LPP: variants seen among roughly 807,000 people sequenced by gnomAD.
LPP encodes the protein lipoma-preferred partner.
In LPP, 38 loss-of-function variants were observed where a neutral mutation model predicts 60.4. The ratio of observed to expected loss-of-function variants is 0.63; its 90% CI spans 0.49 to 0.83. LPP has a LOEUF of 0.83. LPP is among the 40% of genes least tolerant of loss of function. The probability of loss-of-function intolerance (pLI) is 0.00; values close to 1 mark genes in which losing one functional copy is unlikely to be tolerated. For synonymous variants in LPP, 328 were observed against 290.8 expected (o/e 1.13, Z -1.30); for missense variants, 902 against 783.6 (o/e 1.15, Z -1.80).
At chr3:188,634,577 A>G (rs1848388702) in intron 7 of LPP, among the ~76,000 whole-genome samples, 1 of 152,200 alleles carries the variant, frequency 6.6e-6, no homozygotes, top group Non-Finnish European at 1.5e-5. Flanking sequence ...TACTCACATT[A>G]CTGCCTGAAC....
chr3:188,814,025 T>G (rs945935643), intron 9 of LPP, among the ~76,000 whole-genome samples: 1 of 151,990 alleles, frequency 6.6e-6, no homozygotes, highest in Non-Finnish European at 1.5e-5. Context: ...TGAGCCGAGA[T>G]TGTGCCACTG....
At chr3:188,463,661 TTC>T in intron 4 of LPP, among the ~76,000 whole-genome samples, 1 of 152,326 alleles carries the variant, frequency 6.6e-6, no homozygotes, top group East Asian at 1.9e-4. Context: ...TTCTTAAATT[TTC>T]TTCTCTGGCA....
At chr3:188,746,427 T>C in intron 8 of LPP, 1 of 475,374 alleles carries the variant, frequency 2.1e-6, no homozygotes, top group South Asian at 1.6e-5. Flanking sequence ...TGTGCACAGT[T>C]TTGTTTCAGA....
chr3:188,503,068 T>C (rs1812374030), intron 5 of LPP, among the ~76,000 whole-genome samples: 1 of 152,080 alleles, frequency 6.6e-6, no homozygotes, highest in Admixed American at 6.5e-5. Context: ...CTATATAATT[T>C]TTTTTGTGTA....
At chr3:188,772,578 T>G (rs978057173) in intron 9 of LPP, among the ~76,000 whole-genome samples, 1 of 152,184 alleles carries the variant, frequency 6.6e-6, no homozygotes, top group Non-Finnish European at 1.5e-5. Flanking sequence ...CACTGCAACC[T>G]CTGCCTCCTG....
intron 9 of LPP, among the ~76,000 whole-genome samples, chr3:188,861,628 T>C (rs1467140337): frequency 1.3e-5 from 2 of 152,212 alleles, no homozygotes; most frequent in Non-Finnish European, 2.9e-5. Context: ...GCTTCATTTA[T>C]ATTCATATGA....
chr3:188,676,833 A>G (rs1183576113), intron 7 of LPP, among the ~76,000 whole-genome samples: 1 of 152,206 alleles, frequency 6.6e-6, no homozygotes, highest in East Asian at 1.9e-4. Context: ...CAATAGAAAC[A>G]GCAAAGGTCA....
At chr3:188,329,867 G>T (rs1433984831) in intron 2 of LPP, among the ~76,000 whole-genome samples, 2 of 152,146 alleles carry the variant, frequency 1.3e-5, no homozygotes, top group Non-Finnish European at 2.9e-5. Context: ...TTCGTTGAAG[G>T]ACCCATGCCA....
chr3:188,779,471 A>G (rs1738924164), intron 9 of LPP, among the ~76,000 whole-genome samples: 1 of 152,146 alleles, frequency 6.6e-6, no homozygotes, highest in Non-Finnish European at 1.5e-5. Context: ...TTCCCTTTCA[A>G]TGGGTCGGTC....
intron 2 of LPP, among the ~76,000 whole-genome samples, chr3:188,235,331 A>G (rs1315602622): frequency 1.1e-4 from 16 of 152,186 alleles, no homozygotes; most frequent in Non-Finnish European, 2.2e-4. Flanking sequence ...ATGTTTTAAT[A>G]TTAAGAGCAA....
At chr3:188,158,588 CCTAT>C (rs1717237665) in intron 1 of LPP, among the ~76,000 whole-genome samples, 1 of 152,064 alleles carries the variant, frequency 6.6e-6, no homozygotes, top group African/African-American at 2.4e-5. Flanking sequence ...TGTTTCCTTT[CCTAT>C]CATTCTTTTT....
At chr3:188,510,912 A>G (rs1484320750) in intron 5 of LPP, among the ~76,000 whole-genome samples, 1 of 151,914 alleles carries the variant, frequency 6.6e-6, no homozygotes, top group East Asian at 1.9e-4. Flanking sequence ...TTTTTTCTCG[A>G]ACATCTTGTG....
intron 9 of LPP, among the ~76,000 whole-genome samples, chr3:188,814,200 G>A (rs1202548912): frequency 6.6e-6 from 1 of 152,162 alleles, no homozygotes; most frequent in Non-Finnish European, 1.5e-5. Flanking sequence ...AGGACCTTTA[G>A]TTAGGAGGTC....
At chr3:188,573,032 A>T (rs1833862282) in intron 6 of LPP, among the ~76,000 whole-genome samples, 1 of 152,152 alleles carries the variant, frequency 6.6e-6, no homozygotes, top group South Asian at 2.1e-4. Flanking sequence ...AGCTGGAAAT[A>T]TGTGGAGAAC....
chr3:188,635,056 A>G (rs1187663741), intron 7 of LPP, among the ~76,000 whole-genome samples: 1 of 152,188 alleles, frequency 6.6e-6, no homozygotes, highest in Non-Finnish European at 1.5e-5. Context: ...AATGTGGGAC[A>G]TGGCAGAAGA....
intron 2 of LPP, among the ~76,000 whole-genome samples, chr3:188,333,492 G>A (rs1760719127): frequency 6.6e-6 from 1 of 152,154 alleles, no homozygotes; most frequent in African/African-American, 2.4e-5. Flanking sequence ...CTGTGTGAAA[G>A]GACAATGCAT....
At chr3:188,508,572 T>C (rs1814249623) in intron 5 of LPP, among the ~76,000 whole-genome samples, 1 of 152,218 alleles carries the variant, frequency 6.6e-6, no homozygotes, top group South Asian at 2.1e-4. Flanking sequence ...TGCCAACTTA[T>C]AGTTGATTTA....
intron 6 of LPP, among the ~76,000 whole-genome samples, chr3:188,560,130 A>G (rs530811805): frequency 6.6e-6 from 1 of 152,212 alleles, no homozygotes; most frequent in East Asian, 1.9e-4. Context: ...ACTTTTTGAC[A>G]TGGCTAGAAT....
At chr3:188,774,492 C>G (rs1452277359) in intron 9 of LPP, among the ~76,000 whole-genome samples, 2 of 152,040 alleles carry the variant, frequency 1.3e-5, no homozygotes, top group Non-Finnish European at 2.9e-5. Flanking sequence ...AAATCTTACT[C>G]CACATTTCTG....
Sources: allele counts gnomAD v4.1 joint callset (sites outside exome capture counted in the v4.1 genomes callset), GRCh38; gene constraint gnomAD v4.1.1; transcripts MANE v1.5; gene names NCBI Gene and HGNC (gene_info 2026-07-23, HGNC 2026-07-21).